UBAP2L: variants seen among roughly 807,000 people sequenced by gnomAD.
UBAP2L encodes ubiquitin associated protein 2 like, also known as ubiquitin-associated protein 2-like.
A neutral mutation model predicts 130.6 loss-of-function variants in UBAP2L; 12 were observed. The ratio of observed to expected loss-of-function variants is 0.09; its 90% CI spans 0.06 to 0.15. The LOEUF (loss-of-function observed/expected upper bound fraction) is 0.15. UBAP2L is among the 10% of genes least tolerant of loss of function. The probability of loss-of-function intolerance (pLI) is 1.00; values close to 1 mark genes in which losing one functional copy is unlikely to be tolerated. For synonymous variants in UBAP2L, 503 were observed against 524.7 expected (o/e 0.96, Z 0.57); for missense variants, 965 against 1,332.5 (o/e 0.72, Z 4.29).
chr1:154,247,990 A>T (rs1299999247), intron 11 of UBAP2L, among the ~76,000 whole-genome samples: 1 of 150,386 alleles, frequency 6.6e-6, no homozygotes, highest in Non-Finnish European at 1.5e-5. Context: ...TTTTTGAGAC[A>T]GAGTTTCACT....
intron 7 of UBAP2L, 66 bp downstream of exon 7, chr1:154,236,677 C>G: frequency 6.5e-7 from 1 of 1,534,012 alleles, no homozygotes; most frequent in Non-Finnish European, 9.0e-7. Flanking sequence ...CAGCCTTAAC[C>G]AAAATGATCA....
chr1:154,243,441 T>C (rs1450478192), intron 10 of UBAP2L, 139 bp downstream of exon 10: 12 of 645,558 alleles, frequency 1.9e-5, no homozygotes, highest in South Asian at 1.6e-4. Context: ...TACATTCCTC[T>C]TAAGTTGATG....
At chr1:154,223,145 C>G (rs768803222) in intron 1 of UBAP2L, among the ~76,000 whole-genome samples, 14 of 152,174 alleles carry the variant, frequency 9.2e-5, no homozygotes, top group Admixed American at 5.9e-4. Flanking sequence ...AGTCACATTT[C>G]GAAGCACTTG....
downstream of UBAP2L, chr1:154,270,985 T>C: frequency 6.5e-7 from 1 of 1,535,066 alleles, no homozygotes. Flanking sequence ...AATGAAATCT[T>C]CGCCCTTTAA....
At chr1:154,228,045 T>A (rs1668555191) in intron 3 of UBAP2L, among the ~76,000 whole-genome samples, 1 of 152,024 alleles carries the variant, frequency 6.6e-6, no homozygotes, top group Non-Finnish European at 1.5e-5. Flanking sequence ...TTTGACCTCA[T>A]CCCTGAACCA....
At chr1:154,265,119 G>A (rs186009934) in intron 24 of UBAP2L, among the ~76,000 whole-genome samples, 4 of 152,292 alleles carry the variant, frequency 2.6e-5, no homozygotes, top group Admixed American at 2.0e-4. Context: ...CCTAGTTAGT[G>A]TTTGCCCCTC....
At chr1:154,269,444 C>T (rs1047003721) in intron 26 of UBAP2L, 1 of 1,304,096 alleles carries the variant, frequency 7.7e-7, no homozygotes, top group Non-Finnish European at 1.0e-6. Context: ...ATGCTTGAAC[C>T]CACTCCTTTT....
chr1:154,233,309 C>T (rs931234094), intron 4 of UBAP2L, among the ~76,000 whole-genome samples: 2 of 151,798 alleles, frequency 1.3e-5, no homozygotes, highest in Non-Finnish European at 2.9e-5. Flanking sequence ...GTCACCGCGC[C>T]TGGCCCTTTT....
upstream of UBAP2L, chr1:154,220,737 G>A (rs1049280138): frequency 8.7e-6 from 3 of 344,126 alleles, no homozygotes; most frequent in African/African-American, 2.1e-5. Flanking sequence ...CCGCCGTGAA[G>A]GAGGCGGGGT....
chr1:154,263,126 A>C, intron 24 of UBAP2L: 1 of 1,552,020 alleles, frequency 6.4e-7, no homozygotes. Context: ...ACCCCCTTAC[A>C]AGCATTTCTG....
At position 154,260,015 on chromosome 1, in the gene UBAP2L, G is replaced by A; in HGVS notation, c.2564G>A (p.Ser855Asn). The A allele has an allele frequency of 6.2e-7, 1 of 1,614,136 alleles. No homozygotes were observed. The highest frequency in any genetic ancestry group is 8.5e-7 in the Non-Finnish European group (1 of 1,179,998). Residue 855 changes from serine to asparagine, a missense_variant, in exon 22 of 27, where the codon AGC (serine) becomes AAC (asparagine). By Grantham distance (46) the Ser-to-Asn change is conservative. Coordinates refer to ENST00000428931, the MANE Select transcript of UBAP2L (RefSeq NM_014847.4). ...ACTGGGAGGGATGGTAGCCTGGCCA[G>A]CAACCCTTATTCTGGTAGGATTGGG... ...PLTGRDGSLASNPYSGDLTKF... is the reference protein window; with the variant it reads ...PLTGRDGSLANNPYSGDLTKF...
Position 154,220,970 on chromosome 1 carries a change from A to G in UBAP2L, c.-46A>G. The G allele has an allele frequency of 5.4e-6, 1 of 184,388 alleles. No individual in the cohort carries two copies. The highest frequency in any genetic ancestry group is 1.2e-5 in the Non-Finnish European group (1 of 86,708). 11.4% of individuals were successfully genotyped at this position (184,388 alleles called of 1,614,324 possible). A position where few individuals can be genotyped will look rare whatever the true frequency, so the allele number is the denominator to read the frequency against. On this transcript the variant is annotated 5_prime_UTR_variant, in exon 1 of 27. Transcript: ENST00000428931. ...GGCCCGGGGTGTCAGTGTGGAGGAG[A>G]CTGAGGTAAAGTTGGGAGCGCAGCG...
intron 14 of UBAP2L, among the ~76,000 whole-genome samples, chr1:154,252,473 G>T (rs184712479): frequency 6.6e-4 from 100 of 150,636 alleles, no homozygotes; most frequent in Non-Finnish European, 1.2e-3. Context: ...TAGAGACAGG[G>T]TTTCACCATG....
chr1:154,227,510 G>T, intron 3 of UBAP2L, 151 bp downstream of exon 3: 1 of 623,988 alleles, frequency 1.6e-6, no homozygotes, highest in Non-Finnish European at 2.7e-6. Context: ...CAATAAATAA[G>T]TGCTTTCATT....
rs1208259918 is a variant in UBAP2L, at chr1:154,257,369, C to T, written c.2377C>T (p.Pro793Ser). ...TSGKAPPNLP[P>S]GVPPLLPNPY... The stretch of plus-strand genomic sequence containing the variant: ...AGGAAAAGCTCCTCCCAACCTCCCT[C>T]CTGGGGTCCCGCCGTTGTTGCCTAA... Residue 793 changes from proline (P) to serine (S), a missense_variant, in exon 20 of 27, where the codon CCT becomes TCT. Transcript: ENST00000428931. The T allele has an allele frequency of 4.3e-6, 7 of 1,613,728 alleles. No individual in the cohort carries two copies. The highest frequency in any genetic ancestry group is 5.9e-6 in the Non-Finnish European group (7 of 1,180,036).
At chr1:154,225,977 C>A (rs1233501663) in intron 2 of UBAP2L, among the ~76,000 whole-genome samples, 1 of 152,178 alleles carries the variant, frequency 6.6e-6, no homozygotes, top group Non-Finnish European at 1.5e-5. Flanking sequence ...CCATGCCCAG[C>A]TAATTTTTGT....
chr1:154,263,460 A>G, intron 24 of UBAP2L: 1 of 1,173,936 alleles, frequency 8.5e-7, no homozygotes, highest in East Asian at 4.4e-5. Flanking sequence ...ACTTGTAACA[A>G]AAATATTTGT....
rs1398840664 is a variant in UBAP2L, at chr1:154,270,612, A to T, written c.*317A>T. On this transcript the variant is annotated 3_prime_UTR_variant, in exon 27 of 27. Transcript: ENST00000428931. ...TCCTGTTCACCCTGGTGGTGTACGG[A>T]TGAGGCGGGGAGGTGGGACCCCCAA... The T allele has an allele frequency of 1.4e-6, 2 of 1,414,576 alleles. No individual in the cohort carries two copies. The highest frequency in any genetic ancestry group is 1.8e-6 in the Non-Finnish European group (2 of 1,090,136). The allele number at this position is 1,414,576 out of a possible 1,614,324, so 87.6% of individuals were successfully genotyped here.
At chr1:154,255,085 GTGGTCACC>G in intron 16 of UBAP2L, 59 bp from the exon 17 acceptor site, 1 of 1,561,216 alleles carries the variant, frequency 6.4e-7, no homozygotes, top group Middle Eastern at 1.7e-4. Flanking sequence ...GCCTTGGACT[GTGGTCACC>G]TCTCTATAGA....
Sources: allele counts gnomAD v4.1 joint callset (sites outside exome capture counted in the v4.1 genomes callset), GRCh38; gene constraint gnomAD v4.1.1; transcripts MANE v1.5; gene names NCBI Gene and HGNC (gene_info 2026-07-23, HGNC 2026-07-21).